Variants in ZNF880 observed in about 807,000 individuals in gnomAD.
The protein encoded by ZNF880 is zinc finger protein 880, also known as zinc finger protein LOC400713.
ZNF880 carries 12 observed loss-of-function variants against 11.8 expected under a neutral mutation model. That is an observed-to-expected ratio of 1.02 (90% CI 0.65 to 1.65). The LOEUF (loss-of-function observed/expected upper bound fraction) is 1.65, where lower values mean the gene tolerates loss of function less well. Ranked by LOEUF, ZNF880 falls within the 40% of genes most tolerant of loss-of-function variation. The probability of loss-of-function intolerance (pLI) is 0.00; values close to 1 mark genes in which losing one functional copy is unlikely to be tolerated. For missense variants in ZNF880, 601 were observed against 673.9 expected (o/e 0.89, Z 1.20); for synonymous variants, 210 against 232.4 (o/e 0.90, Z 0.88).
At chr19:52,370,112 A>G (rs1355300561) in intron 1 of ZNF880, 135 bp downstream of exon 1, 5 of 1,191,528 alleles carry the variant, frequency 4.2e-6, no homozygotes, top group Admixed American at 2.0e-5. Flanking sequence ...CAGACGTTCT[A>G]ATGAGAGTCT....
chr19:52,379,142 G>T (rs564463210), intron 3 of ZNF880, among the ~76,000 whole-genome samples: 6 of 152,036 alleles, frequency 3.9e-5, no homozygotes, highest in Non-Finnish European at 7.4e-5. Context: ...GTTCCATATG[G>T]TACTCTTTGT....
rs1414744043 is a variant in ZNF880 at position 52,385,108 on chromosome 19, CAT to C, written c.1530_1531del (p.His510GlnfsTer14). 5 of 1,558,828 alleles carry C rather than the reference CAT, an allele frequency of 3.2e-6. No individual in the cohort carries two copies. In the African/African-American group the frequency reaches 6.8e-5, roughly 21 times the overall value. Reference protein sequence around the residue: ...VFSHNSHLARHRQIHTGEKSY... With the variant: ...VFSHNSHLARXRQIHTGEKSY... ...TAGTCACAATTCACACCTTGCACGACATAGGCAAATTCATACTGGAGAGAAGT... is the reference window on the plus strand; with the variant it reads ...TAGTCACAATTCACACCTTGCACGACAGGCAAATTCATACTGGAGAGAAGT... On this transcript the variant is annotated frameshift_variant, in exon 4 of 4. Coordinates refer to ENST00000422689, the MANE Select transcript of ZNF880 (RefSeq NM_001145434.2). LOFTEE classifies it low-confidence loss of function (END_TRUNC).
At chr19:52,383,405 T>C (rs1346983304) in intron 3 of ZNF880, among the ~76,000 whole-genome samples, 1 of 141,120 alleles carries the variant, frequency 7.1e-6, no homozygotes, top group Non-Finnish European at 1.6e-5. Flanking sequence ...CTCCCAGTTA[T>C]TTTGTGTAAG....
intron 2 of ZNF880, among the ~76,000 whole-genome samples, chr19:52,373,766 C>T (rs1309789322): frequency 1.3e-5 from 2 of 150,638 alleles, no homozygotes; most frequent in African/African-American, 4.9e-5. Context: ...CTCCGCCTCC[C>T]GTTTTCAAGC....
chr19:52,372,432 C>T (rs1288080844), intron 1 of ZNF880, among the ~76,000 whole-genome samples: 27 of 147,288 alleles, frequency 1.8e-4, no homozygotes, highest in African/African-American at 6.6e-4. Flanking sequence ...GGACTACAGG[C>T]GCCCGCCACT....
Position 52,383,936 on chromosome 19 carries a change from T to C in ZNF880, c.356T>C (p.Leu119Pro). ...GLTFQLHLSE[L>P]QLFQAERNIS... ...ACCTTTCAGTTACATCTGAGTGAAC[T>C]GCAGCTATTTCAAGCTGAAAGGAAT... is the stretch of plus-strand genomic sequence containing the variant. The change falls in exon 4 of 4, where the codon CTG becomes CCG. Residue 119 changes from leucine (L) to proline (P), a missense_variant. This residue lies in a region of ZNF880 where 420 missense variants were observed against 442.6 expected (regional missense o/e 0.95). Coordinates refer to ENST00000422689, the MANE Select transcript of ZNF880 (RefSeq NM_001145434.2). 3 of 1,559,042 alleles carry C rather than the reference T, an allele frequency of 1.9e-6. No homozygotes were observed. Among genetic ancestry groups the C allele is most frequent in the Non-Finnish European group, 2.6e-6 (3 of 1,150,744 alleles).
In ZNF880 at chr19:52,384,494, TC is replaced by T; in HGVS notation, c.915del (p.Phe305LeufsTer40). On this transcript the variant is annotated frameshift_variant, in exon 4 of 4. Transcript: ENST00000422689. LOFTEE classifies it low-confidence loss of function (END_TRUNC). ...PYKCNECGKV[F>X]NRNAHLARHQ... ...AAATGTAATGAGTGTGGCAAGGTCTTCAACAGAAATGCACACCTTGCACGAC... is the reference window on the plus strand; with the variant it reads ...AAATGTAATGAGTGTGGCAAGGTCTTAACAGAAATGCACACCTTGCACGAC... 1 of 1,614,164 alleles carries T rather than the reference TC, an allele frequency of 6.2e-7. No individual in the cohort carries two copies. The highest frequency in any genetic ancestry group is 8.5e-7 in the Non-Finnish European group (1 of 1,180,022).
At chr19:52,395,034 T>C in the ZNF880 span, among the ~76,000 whole-genome samples, 2 of 152,186 alleles carry the variant, frequency 1.3e-5, no homozygotes, top group African/African-American at 2.4e-5. Context: ...TCCCTTTTGA[T>C]ATATCCAGTA....
chr19:52,378,293 C>T (rs1600249061), intron 3 of ZNF880, among the ~76,000 whole-genome samples: 2 of 152,178 alleles, frequency 1.3e-5, no homozygotes, highest in African/African-American at 2.4e-5. Context: ...GTGTGTGTAA[C>T]GGGAGTAGGT....
chr19:52,374,528 G>C, intron 3 of ZNF880, 101 bp downstream of exon 3: 1 of 1,377,002 alleles, frequency 7.3e-7, no homozygotes, highest in Non-Finnish European at 1.0e-6. Context: ...GCAATCATCA[G>C]TGGCAATCGT....
At chr19:52,369,220 G>A (rs1986266306), upstream of ZNF880, among the ~76,000 whole-genome samples, 1 of 151,450 alleles carries the variant, frequency 6.6e-6, no homozygotes, top group Non-Finnish European at 1.5e-5. Context: ...AAAGTAGCCC[G>A]GTGTGGTGGT....
At position 52,385,725 on chromosome 19, in the gene ZNF880, C is replaced by T. The variant is rs141602552; in HGVS notation, c.*411C>T. On this transcript the variant is annotated 3_prime_UTR_variant, in exon 4 of 4. Transcript: ENST00000422689. ...CATGACGCGATGCATGTCGAAGGTC[C>T]AAGGGCATGTGGAAATGGTCAGTTA... 9 of 165,190 alleles carry T rather than the reference C, an allele frequency of 5.4e-5. 1 individual carries two copies. The highest frequency in any genetic ancestry group is 1.1e-4 in the Non-Finnish European group (9 of 78,270). The allele number at this position is 165,190 out of a possible 1,614,324, so 10.2% of individuals were successfully genotyped here. A position where few individuals can be genotyped will look rare whatever the true frequency, so the allele number is the denominator to read the frequency against.
At chr19:52,382,143 G>A (rs1377169241) in intron 3 of ZNF880, among the ~76,000 whole-genome samples, 1 of 152,002 alleles carries the variant, frequency 6.6e-6, no homozygotes, top group Admixed American at 6.6e-5. Context: ...GTGGGGTAAC[G>A]CATGCCTATA....
the ZNF880 span, among the ~76,000 whole-genome samples, chr19:52,393,953 C>T: frequency 6.6e-6 from 1 of 151,108 alleles, no homozygotes; most frequent in South Asian, 2.1e-4. Flanking sequence ...TCTCCTGCCT[C>T]GGCCTCCCCA....
chr19:52,374,105 G>A (rs1300859904), intron 2 of ZNF880, among the ~76,000 whole-genome samples, 194 bp from the exon 3 acceptor site: 2 of 147,416 alleles, frequency 1.4e-5, no homozygotes, highest in East Asian at 2.1e-4. Flanking sequence ...TCGCTCTGTC[G>A]CCCAGGCTGG....
chr19:52,393,860 G>A, the ZNF880 span, among the ~76,000 whole-genome samples: 46 of 113,478 alleles, frequency 4.1e-4, no homozygotes, highest in South Asian at 3.2e-3. Context: ...TTTTTGAGAC[G>A]GAGTCTTGCT....
At chr19:52,373,669 A>AT (rs35788651) in intron 2 of ZNF880, among the ~76,000 whole-genome samples, 21,295 of 102,420 alleles carry the variant, frequency 0.21, 2,860 homozygotes, top group South Asian at 0.38. Context: ...AAATACTGTA[A>AT]TTTTTTTTTT....
chr19:52,367,076 G>T, upstream of ZNF880: 1 of 319,820 alleles, frequency 3.1e-6, no homozygotes. Context: ...GATTTAGAAT[G>T]TACATACTTC....
chr19:52,395,513 T>C, the ZNF880 span: 1 of 152,234 alleles, frequency 6.6e-6, no homozygotes, highest in Non-Finnish European at 1.5e-5. Flanking sequence ...TGGTTGCCAA[T>C]GTGTCTGAGT....
Sources: allele counts gnomAD v4.1 joint callset (sites outside exome capture counted in the v4.1 genomes callset), GRCh38; gene constraint gnomAD v4.1.1; regional missense constraint gnomAD v4.1.1; transcripts MANE v1.5; gene names NCBI Gene and HGNC (gene_info 2026-07-23, HGNC 2026-07-21).